LRP5: variants seen among roughly 807,000 people sequenced by gnomAD.
LRP5 encodes low-density lipoprotein receptor-related protein 5.
Under a neutral mutation model 154.1 loss-of-function variants are expected in LRP5, and 62 were observed. The ratio of observed to expected loss-of-function variants is 0.40; its 90% CI spans 0.33 to 0.50. LRP5 has a LOEUF of 0.50. Among genes scored for constraint, LRP5 ranks in the 20% least tolerant of loss-of-function variants. The pLI is 0.55. For synonymous variants in LRP5, 966 were observed against 1,011.5 expected, an observed-to-expected ratio of 0.96 and a Z score of 0.85; for missense variants, 1,915 against 2,336.7, an observed-to-expected ratio of 0.82 and a Z score of 3.72.
intron 1 of LRP5, among the ~76,000 whole-genome samples, chr11:68,342,131 G>C (rs2098609530): frequency 6.7e-6 from 1 of 149,964 alleles, no homozygotes. Context: ...TTGCTGTGTT[G>C]CCCAGGCTGG....
intron 7 of LRP5, among the ~76,000 whole-genome samples, chr11:68,399,535 A>G (rs1247201494): frequency 6.6e-6 from 1 of 152,188 alleles, no homozygotes; most frequent in Non-Finnish European, 1.5e-5. Context: ...TGGAAAATTC[A>G]TCTCCCAAGT....
chr11:68,360,647 AG>A (rs2098627056), intron 3 of LRP5, among the ~76,000 whole-genome samples: 1 of 152,234 alleles, frequency 6.6e-6, no homozygotes. Context: ...TGGCTGAGGC[AG>A]AGCATGGCCC....
chr11:68,372,121 C>T (rs2098634350), intron 5 of LRP5, among the ~76,000 whole-genome samples: 1 of 152,110 alleles, frequency 6.6e-6, no homozygotes, highest in Admixed American at 6.5e-5. Flanking sequence ...ATGTTTAGGC[C>T]AAGAGGATTC....
chr11:68,342,998 T>C (rs2098610041), intron 1 of LRP5, among the ~76,000 whole-genome samples: 1 of 152,224 alleles, frequency 6.6e-6, no homozygotes. Flanking sequence ...TGCTGGCCAC[T>C]GTGGACTGCC....
intron 1 of LRP5, among the ~76,000 whole-genome samples, chr11:68,325,845 C>T (rs531967529): frequency 5.9e-5 from 9 of 152,364 alleles, no homozygotes; most frequent in South Asian, 2.1e-4. Context: ...CCCACAGGCT[C>T]GTCCTGAGGC....
At chr11:68,385,330 CA>C (rs1162055455) in intron 5 of LRP5, among the ~76,000 whole-genome samples, 1 of 152,152 alleles carries the variant, frequency 6.6e-6, no homozygotes, top group Admixed American at 6.5e-5. Context: ...CCCTGGGGGG[CA>C]GCAGAGACCC....
intron 9 of LRP5, among the ~76,000 whole-genome samples, chr11:68,409,407 T>C (rs1397361348): frequency 1.3e-5 from 2 of 149,238 alleles, no homozygotes; most frequent in Non-Finnish European, 3.0e-5. Flanking sequence ...ATAAAATATA[T>C]ATAAAATCTC....
chr11:68,352,347 G>A (rs1461929635), intron 2 of LRP5, among the ~76,000 whole-genome samples: 2 of 152,228 alleles, frequency 1.3e-5, no homozygotes. Context: ...ACAGAGGCGT[G>A]ACCATGCTGC....
At chr11:68,363,643 C>T (rs1351870383) in intron 3 of LRP5, 104 bp from the exon 4 acceptor site, 65 of 944,670 alleles carry the variant, frequency 6.9e-5, no homozygotes, top group African/African-American at 9.8e-5. Context: ...GGCGACAGAC[C>T]GAGACTCCAT....
intron 5 of LRP5, among the ~76,000 whole-genome samples, chr11:68,371,353 G>A (rs1288508023): frequency 6.6e-6 from 1 of 152,172 alleles, no homozygotes; most frequent in East Asian, 1.9e-4. Context: ...GACAGGCACG[G>A]CCTAGCATTG....
chr11:68,356,544 C>CCA (rs1421709805), intron 2 of LRP5, among the ~76,000 whole-genome samples: 8 of 152,180 alleles, frequency 5.3e-5, no homozygotes, highest in African/African-American at 1.9e-4. Context: ...GTCCTCACAC[C>CCA]CACACAGCCT....
At chr11:68,374,637 A>G (rs1189163897) in intron 5 of LRP5, among the ~76,000 whole-genome samples, 1 of 152,132 alleles carries the variant, frequency 6.6e-6, no homozygotes, top group Non-Finnish European at 1.5e-5. Flanking sequence ...GACAGAGAAC[A>G]TTTCTACCAC....
chr11:68,430,779 G>T (rs887561016), intron 17 of LRP5, among the ~76,000 whole-genome samples: 1 of 152,108 alleles, frequency 6.6e-6, no homozygotes, highest in Non-Finnish European at 1.5e-5. Flanking sequence ...GGGCTTCCTG[G>T]TGTTAGTGGT....
At position 68,347,917 on chromosome 11, in the gene LRP5, G is replaced by A; in HGVS notation, c.162G>A (p.Glu54=). ...RLVDAGGVKL[E]STIVVSGLED... ...TGGACGCCGGCGGAGTCAAGCTGGA[G>A]TCCACCATCGTGGTCAGCGGCCTGG... The change falls in exon 2 of 23, where the codon GAG becomes GAA. Residue 54 remains glutamate, a synonymous_variant. Transcript: ENST00000294304. 2 of 1,613,638 alleles carry A rather than the reference G, an allele frequency of 1.2e-6. No individual in the cohort carries two copies. Among genetic ancestry groups the A allele is most frequent in the Non-Finnish European group, 1.7e-6 (2 of 1,180,038 alleles).
chr11:68,315,759 A>C (rs2098592890), intron 1 of LRP5, among the ~76,000 whole-genome samples: 1 of 152,214 alleles, frequency 6.6e-6, no homozygotes, highest in Non-Finnish European at 1.5e-5. Context: ...AGGTGGGCCC[A>C]CGGGTGCTCC....
chr11:68,448,647 T>C (rs987466137), intron 22 of LRP5, among the ~76,000 whole-genome samples, 162 bp from the exon 23 acceptor site: 4 of 151,820 alleles, frequency 2.6e-5, no homozygotes, highest in Non-Finnish European at 5.9e-5. Context: ...AGAGGGTAAG[T>C]GATGAGCCCT....
chr11:68,305,944 A>G, the LRP5 span, among the ~76,000 whole-genome samples: 1 of 152,240 alleles, frequency 6.6e-6, no homozygotes, highest in Admixed American at 6.5e-5. Flanking sequence ...GCTGGAGGCC[A>G]GAAGTCTGAG....
intron 1 of LRP5, among the ~76,000 whole-genome samples, chr11:68,323,867 G>A (rs1270565870): frequency 6.6e-6 from 1 of 152,216 alleles, no homozygotes; most frequent in Non-Finnish European, 1.5e-5. Context: ...CGCTGCTCAG[G>A]GGGCCCAGGG....
Position 68,439,928 on chromosome 11 carries a change from G to A in LRP5, c.4488+12G>A, listed in dbSNP as rs746380563. 6.5e-7 allele frequency: 1 copy of A among 1,531,922 alleles called. No homozygotes were observed. The highest frequency in any genetic ancestry group is 8.8e-7 in the Non-Finnish European group (1 of 1,138,724). 94.9% of individuals were successfully genotyped at this position (1,531,922 alleles called of 1,614,324 possible). A position where few individuals can be genotyped will look rare whatever the true frequency, so the allele number is the denominator to read the frequency against. ...CGCTGTACCCGCCGGTGAGGGGCGG[G>A]GCCGGGGAGGGGCGGGGCGGGATGG... On this transcript the variant is annotated intron_variant, in intron 21 of 22. Transcript: ENST00000294304.
Sources: allele counts gnomAD v4.1 joint callset (sites outside exome capture counted in the v4.1 genomes callset), GRCh38; gene constraint gnomAD v4.1.1; transcripts MANE v1.5; gene names NCBI Gene and HGNC (gene_info 2026-07-23, HGNC 2026-07-21).